Variants in LRP6 observed in about 807,000 individuals in gnomAD.
LRP6 encodes LDL receptor related protein 6, also known as low-density lipoprotein receptor-related protein 6.
Under a neutral mutation model 184.1 loss-of-function variants are expected in LRP6, and 43 were observed. That is an observed-to-expected ratio of 0.23 (90% CI 0.18 to 0.30). The LOEUF (loss-of-function observed/expected upper bound fraction) is 0.30, where lower values mean the gene tolerates loss of function less well. Ranked by LOEUF, LRP6 falls within the 10% of genes least tolerant of loss-of-function variation. LRP6 has a pLI of 1.00. For missense variants in LRP6, 1,571 were observed against 2,005.3 expected, an observed-to-expected ratio of 0.78 and a Z score of 4.14; for synonymous variants, 719 against 684.9, an observed-to-expected ratio of 1.05 and a Z score of -0.78.
At chr12:12,142,900 AAAC>A (rs1481817850) in intron 15 of LRP6, among the ~76,000 whole-genome samples, 1 of 152,162 alleles carries the variant, frequency 6.6e-6, no homozygotes, top group Non-Finnish European at 1.5e-5. Context: ...AAGACCTAGA[AAAC>A]AACAACAACA....
chr12:12,237,945 C>G (rs887272473), intron 2 of LRP6, among the ~76,000 whole-genome samples: 1 of 152,140 alleles, frequency 6.6e-6, no homozygotes, highest in African/African-American at 2.4e-5. Context: ...GGTTAGATAA[C>G]TGTTCTATGG....
chr12:12,216,315 T>C (rs2135860134), intron 2 of LRP6, among the ~76,000 whole-genome samples: 1 of 152,316 alleles, frequency 6.6e-6, no homozygotes, highest in Non-Finnish European at 1.5e-5. Flanking sequence ...TTACCCACAA[T>C]GGCCATAATG....
intron 1 of LRP6, chr12:12,249,393 T>C: frequency 5.6e-6 from 5 of 900,248 alleles, no homozygotes; most frequent in Non-Finnish European, 7.4e-6. Flanking sequence ...AATATGAAAC[T>C]CCCTCAGCCA....
intron 2 of LRP6, among the ~76,000 whole-genome samples, chr12:12,243,309 T>G (rs887243201): frequency 6.6e-6 from 1 of 152,238 alleles, no homozygotes; most frequent in African/African-American, 2.4e-5. Flanking sequence ...TAAACCTTTA[T>G]TGCAAATATA....
At chr12:12,124,686 T>C (rs1218439718) in intron 21 of LRP6, 24 bp from the exon 22 acceptor site, 1 of 1,409,530 alleles carries the variant, frequency 7.1e-7, no homozygotes, top group Non-Finnish European at 9.9e-7. Flanking sequence ...ATAATTAAAA[T>C]ATTAAAATAA....
chr12:12,164,127 TTA>T, intron 9 of LRP6, 144 bp downstream of exon 9: 4 of 665,254 alleles, frequency 6.0e-6, no homozygotes, highest in Non-Finnish European at 2.5e-6. Context: ...AAGACACCGT[TTA>T]AAAAAAAAAA....
At chr12:12,189,646 C>G (rs1015652919) in intron 3 of LRP6, among the ~76,000 whole-genome samples, 17 of 152,070 alleles carry the variant, frequency 1.1e-4, no homozygotes, top group Non-Finnish European at 5.9e-5. Flanking sequence ...GGATTATAGG[C>G]ATGCACCACC....
At chr12:12,124,502 G>C (rs1949646486) in intron 22 of LRP6, 63 bp downstream of exon 22, 1 of 1,176,266 alleles carries the variant, frequency 8.5e-7, no homozygotes, top group Non-Finnish European at 1.3e-6. Context: ...GGCTATATCA[G>C]GTCCACAACT....
Position 12,228,289 on chromosome 12 carries a change from G to A in LRP6, c.449+15973C>T, listed in dbSNP as rs189354112. ...GGAGGCATGATAATCGCTTGAACCC[G>A]GGAGGCGGAGGTTGCGGTGAGCCCA... On this transcript the variant is annotated intron_variant, in intron 2 of 22. Transcript: ENST00000261349. 3.3e-5 allele frequency among the ~76,000 whole-genome samples: 5 copies of A among 152,214 alleles called. No homozygotes were observed. In the East Asian group the frequency reaches 5.8e-4, roughly 18 times the overall value.
At chr12:12,247,310 T>G (rs529437672) in intron 1 of LRP6, among the ~76,000 whole-genome samples, 18 of 152,330 alleles carry the variant, frequency 1.2e-4, no homozygotes, top group African/African-American at 3.8e-4. Context: ...GGCACTATCT[T>G]GGAAAACTAT....
intron 2 of LRP6, among the ~76,000 whole-genome samples, chr12:12,223,175 A>G (rs1055137946): frequency 2.1e-5 from 2 of 97,544 alleles, no homozygotes; most frequent in African/African-American, 6.1e-5. Context: ...TCATTTCATC[A>G]GAAAAAAAAA....
At chr12:12,257,512 C>T (rs1865493439) in intron 1 of LRP6, among the ~76,000 whole-genome samples, 2 of 140,288 alleles carry the variant, frequency 1.4e-5, no homozygotes, top group South Asian at 2.3e-4. Flanking sequence ...ATCTGGGAGG[C>T]GGAGCTTGCA....
chr12:12,186,783 C>A, intron 4 of LRP6, 140 bp downstream of exon 4: 2 of 794,712 alleles, frequency 2.5e-6, no homozygotes, highest in South Asian at 1.5e-5. Flanking sequence ...CTCAGCCTCC[C>A]AAGTAGGATT....
Position 12,259,262 on chromosome 12 carries a change from CA to C in LRP6, c.55+7418del, listed in dbSNP as rs535352023. On this transcript the variant is annotated intron_variant, in intron 1 of 22. Transcript: ENST00000261349. ...TGGGTGACAGAGCGAGACTCCATCTCAAAAAAAAAAAAAAAAAAAGACTACT... is the reference window on the plus strand; with the variant it reads ...TGGGTGACAGAGCGAGACTCCATCTCAAAAAAAAAAAAAAAAAAGACTACT... Among the ~76,000 whole-genome samples, 489 of 59,222 alleles carry C rather than the reference CA, an allele frequency of 8.3e-3. 2 individuals are homozygous for C. The highest frequency in any genetic ancestry group is 0.019 in the African/African-American group (320 of 16,728). 38.9% of individuals were successfully genotyped at this position (59,222 alleles called of 152,430 possible).
intron 11 of LRP6, 27 bp from the exon 12 acceptor site, chr12:12,159,182 G>A: frequency 1.3e-6 from 2 of 1,565,084 alleles, no homozygotes; most frequent in Admixed American, 1.7e-5. Flanking sequence ...AGTAGACAGG[G>A]GAGAAGCAGA....
At chr12:12,259,881 T>G (rs1203592943) in intron 1 of LRP6, among the ~76,000 whole-genome samples, 1 of 152,204 alleles carries the variant, frequency 6.6e-6, no homozygotes, top group East Asian at 1.9e-4. Context: ...AAACTCAGTA[T>G]AGCATTCAGC....
intron 1 of LRP6, among the ~76,000 whole-genome samples, 193 bp from the exon 2 acceptor site, chr12:12,244,848 A>C (rs1865147552): frequency 6.6e-6 from 1 of 152,192 alleles, no homozygotes; most frequent in African/African-American, 2.4e-5. Context: ...AAGACATAGG[A>C]AATGGGGGGA....
chr12:12,117,282 T>C lies in LRP6; in HGVS notation c.*3844A>G, dbSNP rs1016212064. On this transcript the variant is annotated 3_prime_UTR_variant, in exon 23 of 23. Transcript: ENST00000261349. Reference sequence around the variant, plus strand: ...TAGGACTCAGTCCACACTTAGTGCATAGTCTCATCTGTAGATGCCCAAATA... The same window carrying C: ...TAGGACTCAGTCCACACTTAGTGCACAGTCTCATCTGTAGATGCCCAAATA... 7 of 152,232 alleles carry C rather than the reference T, an allele frequency of 4.6e-5. No homozygotes were observed. The highest frequency in any genetic ancestry group is 2.0e-4 in the Admixed American group (3 of 15,280). 9.4% of individuals were successfully genotyped at this position (152,232 alleles called of 1,614,324 possible).
intron 2 of LRP6, among the ~76,000 whole-genome samples, chr12:12,241,363 C>T (rs538244816): frequency 1.4e-3 from 206 of 152,324 alleles, no homozygotes; most frequent in African/African-American, 4.5e-3. Flanking sequence ...CCTATAATTA[C>T]TTTTCAACTA....
Sources: gnomAD v4.1 joint callset for allele counts (sites outside exome capture counted in the v4.1 genomes callset) on GRCh38, gnomAD v4.1.1 for gene constraint, MANE v1.5 for transcripts, NCBI Gene and HGNC (gene_info 2026-07-23, HGNC 2026-07-21) for gene names.